Variants in NR4A1 observed in about 807,000 individuals in gnomAD.
The protein encoded by NR4A1 is nuclear receptor subfamily 4immunitygroup A member 1.
A neutral mutation model predicts 47.5 loss-of-function variants in NR4A1; 24 were observed. The observed-to-expected ratio is 0.50, with a 90% CI of 0.37 to 0.71. The LOEUF (loss-of-function observed/expected upper bound fraction) is 0.71, where lower values mean the gene tolerates loss of function less well. Among genes scored for constraint, NR4A1 ranks in the 30% least tolerant of loss-of-function variants. The pLI is 0.00. For missense variants in NR4A1, 669 were observed against 788.6 expected (o/e 0.85, Z 1.82); for synonymous variants, 353 against 345.7 (o/e 1.02, Z -0.24).
At chr12:52,028,992 T>C (rs1024626818) in intron 1 of NR4A1, among the ~76,000 whole-genome samples, 1 of 152,244 alleles carries the variant, frequency 6.6e-6, no homozygotes, top group South Asian at 2.1e-4. Flanking sequence ...ATCTCTCTAG[T>C]ATTCCCCAAA....
Position 52,031,778 on chromosome 12 carries a change from A to ATTTTT in NR4A1, c.-84+8854_-84+8858dup, listed in dbSNP as rs61279135. On this transcript the variant is annotated intron_variant, in intron 1 of 7. Coordinates refer to the NR4A1 transcript ENST00000360284. ...TTTCTCTTTATGGTTGTGATGGTTAATTTTTTTTTTTTTTTTTTTGAGACG... is the reference window on the plus strand; with the variant it reads ...TTTCTCTTTATGGTTGTGATGGTTAATTTTTTTTTTTTTTTTTTTTTTTTGAGACG... Among the ~76,000 whole-genome samples, 65 of 125,870 alleles carry ATTTTT rather than the reference A, an allele frequency of 5.2e-4. 1 individual carries two copies. Among genetic ancestry groups the ATTTTT allele is most frequent in the South Asian group, 3.3e-3 (13 of 3,974 alleles). The allele number at this position is 125,870 out of a possible 152,430, so 82.6% of individuals were successfully genotyped here. A position where few individuals can be genotyped will look rare whatever the true frequency, so the allele number is the denominator to read the frequency against.
chr12:52,045,174 A>T (rs1165105347), intron 2 of NR4A1, among the ~76,000 whole-genome samples: 1 of 152,150 alleles, frequency 6.6e-6, no homozygotes, highest in African/African-American at 2.4e-5. Context: ...CAGGAGTGGG[A>T]GAAGTAGAGA....
chr12:52,059,237 CTG>C lies in NR4A1; in HGVS notation c.*294_*295del. On this transcript the variant is annotated 3_prime_UTR_variant, in exon 7 of 7. Transcript: ENST00000394825. Reference sequence around the variant, plus strand: ...CGCCGTGCTGTAAATAAGCCCAGTGCTGCTGTAAATACAGGAAGAAAGAGCTT... The same window carrying C: ...CGCCGTGCTGTAAATAAGCCCAGTGCCTGTAAATACAGGAAGAAAGAGCTT... The C allele has an allele frequency of 2.7e-6, 1 of 371,228 alleles. No homozygotes were observed. Among genetic ancestry groups the C allele is most frequent in the Non-Finnish European group, 4.8e-6 (1 of 207,230 alleles). The allele number at this position is 371,228 out of a possible 1,614,324, so 23.0% of individuals were successfully genotyped here.
upstream of NR4A1, among the ~76,000 whole-genome samples, chr12:52,049,448 G>A (rs1042106964): frequency 1.3e-5 from 2 of 152,208 alleles, no homozygotes; most frequent in African/African-American, 4.8e-5. Context: ...GTCACTGGGC[G>A]CAGGCAGTTG....
At chr12:52,041,982 G>C in intron 2 of NR4A1, 1 of 1,280,086 alleles carries the variant, frequency 7.8e-7, no homozygotes, top group Non-Finnish European at 9.9e-7. Flanking sequence ...TGGGGTTGGG[G>C]GGCAGAGGTG....
At position 52,059,068 on chromosome 12, in the gene NR4A1, A is replaced by G; in HGVS notation, c.*124A>G. On this transcript the variant is annotated 3_prime_UTR_variant, in exon 7 of 7. Transcript: ENST00000394825. ...AGCTGCAGAATGACTCCACCTTCTCACCTGCTCCAGGAGGTTTGCAGGGAG... is the reference window on the plus strand; with the variant it reads ...AGCTGCAGAATGACTCCACCTTCTCGCCTGCTCCAGGAGGTTTGCAGGGAG... The G allele has an allele frequency of 8.0e-7, 1 of 1,254,704 alleles. No homozygotes were observed. Among genetic ancestry groups the G allele is most frequent in the Non-Finnish European group, 1.1e-6 (1 of 924,390 alleles). The allele number at this position is 1,254,704 out of a possible 1,614,324, so 77.7% of individuals were successfully genotyped here. A position where few individuals can be genotyped will look rare whatever the true frequency, so the allele number is the denominator to read the frequency against.
At chr12:52,047,752 T>C (rs1333069100), upstream of NR4A1, among the ~76,000 whole-genome samples, 1 of 152,214 alleles carries the variant, frequency 6.6e-6, no homozygotes, top group Non-Finnish European at 1.5e-5. Context: ...TCCTTGGGCT[T>C]ATGGGTGGGC....
At chr12:52,055,799 C>T (rs1052083637) in intron 2 of NR4A1, 1 of 428,554 alleles carries the variant, frequency 2.3e-6, no homozygotes, top group Non-Finnish European at 4.1e-6. Flanking sequence ...AGTAGTGTGT[C>T]CTGGGGACTT....
In NR4A1 at chr12:52,039,648, A is replaced by C. The variant is rs1056640648; in HGVS notation, c.-83-2162A>C. Among the ~76,000 whole-genome samples, 3 of 152,334 alleles carry C rather than the reference A, an allele frequency of 2.0e-5. No homozygotes were observed. In the East Asian group the frequency reaches 5.8e-4, roughly 29 times the overall value. On this transcript the variant is annotated intron_variant, in intron 1 of 7. Transcript: ENST00000360284. The stretch of plus-strand genomic sequence containing the variant: ...ACCCTTCCACGCACACTTACTGAGC[A>C]CCTGCCAGTGCTGAGCAGGGTTTAG...
At chr12:52,036,434 G>A (rs559552017) in intron 1 of NR4A1, among the ~76,000 whole-genome samples, 75 of 152,278 alleles carry the variant, frequency 4.9e-4, no homozygotes, top group Middle Eastern at 3.4e-3. Flanking sequence ...CTGTGTACAA[G>A]GCACCTCCAC....
intron 1 of NR4A1, chr12:52,052,571 T>G (rs899785432): frequency 9.1e-5 from 90 of 985,546 alleles, no homozygotes; most frequent in Non-Finnish European, 1.0e-4. Context: ...TGAAGCCGGA[T>G]TCTCCCCACT....
At chr12:52,041,782 T>C in intron 1 of NR4A1, 1 of 1,299,766 alleles carries the variant, frequency 7.7e-7, no homozygotes, top group Non-Finnish European at 9.8e-7. Flanking sequence ...CTGGTTTCTC[T>C]TCACTCACAT....
At chr12:52,057,017 G>A (rs915680065) in intron 4 of NR4A1, 40 bp from the exon 5 acceptor site, 1 of 1,536,446 alleles carries the variant, frequency 6.5e-7, no homozygotes, top group Non-Finnish European at 8.8e-7. Context: ...GGGTGTAGGA[G>A]CCTGCCTGGG....
chr12:52,037,689 T>G (rs1169643123), intron 1 of NR4A1: 1 of 985,080 alleles, frequency 1.0e-6, no homozygotes, highest in Non-Finnish European at 1.2e-6. Context: ...GCGCTGGAGG[T>G]GGCCAGGCCA....
chr12:52,057,213 C>T lies in NR4A1; in HGVS notation c.1315C>T (p.Leu439=). 6.2e-7 allele frequency: 1 copy of T among 1,614,018 alleles called. No individual in the cohort carries two copies. Among genetic ancestry groups the T allele is most frequent in the South Asian group, 1.1e-5 (1 of 91,080 alleles). ...ELSPADQDLL[L]ESAFLELFIL... The stretch of plus-strand genomic sequence containing the variant: ...GTCACCGGCTGACCAGGACCTGTTG[C>T]TGGAGTCGGCCTTCCTGGAGCTCTT... The change falls in exon 5 of 7, where the codon CTG becomes TTG. Residue 439 remains leucine (L), a synonymous_variant. Coordinates refer to ENST00000394825, the MANE Select transcript of NR4A1 (RefSeq NM_173157.3).
intron 1 of NR4A1, among the ~76,000 whole-genome samples, chr12:52,039,913 G>A (rs911284646): frequency 7.2e-5 from 11 of 152,198 alleles, no homozygotes; most frequent in Non-Finnish European, 1.5e-4. Context: ...TGAGTGGGGA[G>A]AGAAGGCCCA....
At chr12:52,027,022 G>A (rs1302246488) in intron 1 of NR4A1, among the ~76,000 whole-genome samples, 1 of 152,208 alleles carries the variant, frequency 6.6e-6, no homozygotes, top group Non-Finnish European at 1.5e-5. Context: ...TGAGAGGTGT[G>A]TTGATAGGCA....
Position 52,059,295 on chromosome 12 carries a change from G to A in NR4A1, c.*351G>A. ...GGGAGCGGGGCTGGGAGGAAGGGAT[G>A]GGCCCCGCCTTCCTGGGCAGCCTTT... On this transcript the variant is annotated 3_prime_UTR_variant, in exon 7 of 7. Transcript: ENST00000394825. The A allele has an allele frequency of 4.7e-6, 1 of 214,074 alleles. No homozygotes were observed. The highest frequency in any genetic ancestry group is 9.2e-6 in the Non-Finnish European group (1 of 109,236). 13.3% of individuals were successfully genotyped at this position (214,074 alleles called of 1,614,324 possible). A position where few individuals can be genotyped will look rare whatever the true frequency, so the allele number is the denominator to read the frequency against.
At position 52,055,860 on chromosome 12, in the gene NR4A1, C is replaced by G. The variant is rs893500308; in HGVS notation, c.877-170C>G. 6.4e-5 allele frequency: 29 copies of G among 450,206 alleles called. 1 individual carries two copies. Among genetic ancestry groups the G allele is most frequent in the East Asian group, 5.9e-4 (15 of 25,590 alleles). 27.9% of individuals were successfully genotyped at this position (450,206 alleles called of 1,614,324 possible). ...TGTCTTCAAGACTTTTCTCTCCCCC[C>G]GCCCAACCCCGTCTCTCCCTCCCTT... On this transcript the variant is annotated intron_variant, in intron 2 of 6. Coordinates refer to ENST00000394825, the MANE Select transcript of NR4A1 (RefSeq NM_173157.3).
Sources: allele counts gnomAD v4.1 joint callset (sites outside exome capture counted in the v4.1 genomes callset), GRCh38; gene constraint gnomAD v4.1.1; transcripts MANE v1.5; gene names NCBI Gene and HGNC (gene_info 2026-07-23, HGNC 2026-07-21).